The following PLPP4 variants were observed in gnomAD, a reference collection of about 807,000 sequenced individuals.
PLPP4 encodes the protein diacylglycerol pyrophosphate like 2.
Under a neutral mutation model 32.2 loss-of-function variants are expected in PLPP4, and 20 were observed. The ratio of observed to expected loss-of-function variants is 0.62; its 90% CI spans 0.44 to 0.90. The LOEUF (loss-of-function observed/expected upper bound fraction) is 0.90. PLPP4 is among the 40% of genes least tolerant of loss of function. The probability of loss-of-function intolerance (pLI) is 0.00; values close to 1 mark genes in which losing one functional copy is unlikely to be tolerated. For synonymous variants in PLPP4, 127 were observed against 133.0 expected (o/e 0.95, Z 0.31); for missense variants, 257 against 353.1 (o/e 0.73, Z 2.18).
chr10:120,510,577 C>T (rs1003929491), intron 2 of PLPP4, among the ~76,000 whole-genome samples: 2 of 152,114 alleles, frequency 1.3e-5, no homozygotes. Flanking sequence ...TGGCCTTTGT[C>T]GAAAGAGTGG....
rs1846128869 is a variant in PLPP4, at chr10:120,520,995, C to G, written c.345C>G (p.Arg115=). The change falls in exon 5 of 7, where the codon CGC becomes CGG. Residue 115 remains arginine, a synonymous_variant. Coordinates refer to ENST00000398250, the MANE Select transcript of PLPP4 (RefSeq NM_001030059.3). ...VGRPRPDFFY[R]CFPDGVMNSE... ...GACCTCGCCCCGATTTCTTTTACCG[C>G]TGCTTTCCAGATGGAGTGATGAACT... 6.2e-7 allele frequency: 1 copy of G among 1,614,040 alleles called. No individual in the cohort carries two copies. Among genetic ancestry groups the G allele is most frequent in the Non-Finnish European group, 8.5e-7 (1 of 1,179,984 alleles).
In PLPP4 at chr10:120,574,160, ACACACACACTCTCTCTCTCTCT is replaced by A. The variant is rs1333190637; in HGVS notation, c.446-969_446-948del. ...CACACACACACACACACACACACAC[ACACACACACTCTCTCTCTCTCT>A]CTCTCTCTCTCTCTCTCTCTCTCTC... On this transcript the variant is annotated intron_variant, in intron 5 of 6. Transcript: ENST00000398250. Among the ~76,000 whole-genome samples, 395 of 117,456 alleles carry A rather than the reference ACACACACACTCTCTCTCTCTCT, an allele frequency of 3.4e-3. 3 individuals carry two copies. The highest frequency in any genetic ancestry group is 4.8e-3 in the South Asian group (14 of 2,912). The allele number at this position is 117,456 out of a possible 152,430, so 77.1% of individuals were successfully genotyped here.
At chr10:120,482,881 C>T (rs891618722) in intron 1 of PLPP4, among the ~76,000 whole-genome samples, 1 of 152,180 alleles carries the variant, frequency 6.6e-6, no homozygotes, top group Non-Finnish European at 1.5e-5. Context: ...CACTGCACTC[C>T]AGCCTGGGTG....
intron 1 of PLPP4, among the ~76,000 whole-genome samples, chr10:120,481,929 A>AG (rs933597726): frequency 6.6e-6 from 1 of 152,132 alleles, no homozygotes; most frequent in African/African-American, 2.4e-5. Flanking sequence ...TGGTTCTATA[A>AG]GGGGGGGTTT....
chr10:120,500,800 C>T (rs1845210627), intron 1 of PLPP4, among the ~76,000 whole-genome samples: 1 of 152,126 alleles, frequency 6.6e-6, no homozygotes, highest in African/African-American at 2.4e-5. Context: ...GGCACTCAAC[C>T]AACCGAATCT....
chr10:120,476,862 T>G lies in PLPP4; in HGVS notation c.56+19501T>G, dbSNP rs548064944. On this transcript the variant is annotated intron_variant, in intron 1 of 6. Coordinates refer to ENST00000398250, the MANE Select transcript of PLPP4 (RefSeq NM_001030059.3). Reference sequence around the variant, plus strand: ...ACACCACAAATGTAAGCCCTTACATTGCCTTCATAGGTGCTTGGCTAAAGC... The same window carrying G: ...ACACCACAAATGTAAGCCCTTACATGGCCTTCATAGGTGCTTGGCTAAAGC... 2.0e-5 allele frequency among the ~76,000 whole-genome samples: 3 copies of G among 152,316 alleles called. No homozygotes were observed. The South Asian group carries it at 6.2e-4, about 32-fold the overall frequency.
intron 5 of PLPP4, among the ~76,000 whole-genome samples, chr10:120,563,777 GGCCTGGGCGA>G (rs1564842529): frequency 7.3e-5 from 8 of 110,092 alleles, no homozygotes; most frequent in Admixed American, 1.1e-4. Flanking sequence ...TCCGCAGTCC[GGCCTGGGCGA>G]CAGAGCGAGA....
At chr10:120,552,165 G>GGTGTGTGTGTGTGTGTGTGTGT (rs58426120) in intron 5 of PLPP4, among the ~76,000 whole-genome samples, 8 of 138,546 alleles carry the variant, frequency 5.8e-5, no homozygotes, top group Admixed American at 2.9e-4. Flanking sequence ...GTGGTGGTGG[G>GGTGTGTGTGTGTGTGTGTGTGT]GTGTGTGTGT....
chr10:120,511,995 G>A (rs1845747098), intron 2 of PLPP4, among the ~76,000 whole-genome samples: 3 of 152,086 alleles, frequency 2.0e-5, no homozygotes, highest in Admixed American at 2.0e-4. Flanking sequence ...TTGGGAGGCT[G>A]AGGCAGGAGA....
chr10:120,551,120 A>G (rs1167395152), intron 5 of PLPP4, among the ~76,000 whole-genome samples: 1 of 152,194 alleles, frequency 6.6e-6, no homozygotes, highest in East Asian at 1.9e-4. Context: ...AACTGTATGT[A>G]TGATCAGTAA....
Position 120,591,603 on chromosome 10 carries a change from C to G in PLPP4, c.*2101C>G, listed in dbSNP as rs1043169968. On this transcript the variant is annotated 3_prime_UTR_variant, in exon 7 of 7. Transcript: ENST00000398250. ...CAAAATAGAAATGTAGGAAAAAGATCCTTTGCTACTGTTAAAAAAAAAAAC... is the reference window on the plus strand; with the variant it reads ...CAAAATAGAAATGTAGGAAAAAGATGCTTTGCTACTGTTAAAAAAAAAAAC... Among the ~76,000 whole-genome samples the G allele has an allele frequency of 7.1e-6, 1 of 141,758 alleles. No homozygotes were observed. The highest frequency in any genetic ancestry group is 1.5e-5 in the Non-Finnish European group (1 of 64,728). 93.0% of individuals were successfully genotyped at this position (141,758 alleles called of 152,430 possible). A position where few individuals can be genotyped will look rare whatever the true frequency, so the allele number is the denominator to read the frequency against.
intron 5 of PLPP4, among the ~76,000 whole-genome samples, chr10:120,573,354 T>C (rs1418495062): frequency 6.6e-6 from 1 of 152,228 alleles, no homozygotes; most frequent in Non-Finnish European, 1.5e-5. Flanking sequence ...AGTTCTACTT[T>C]GGTATAATCT....
intron 2 of PLPP4, among the ~76,000 whole-genome samples, chr10:120,507,564 C>A (rs1317542081): frequency 6.6e-6 from 1 of 152,318 alleles, no homozygotes; most frequent in Non-Finnish European, 1.5e-5. Flanking sequence ...CGAGATTATA[C>A]AACTGTCAGT....
At chr10:120,463,187 T>C (rs763324675) in intron 1 of PLPP4, among the ~76,000 whole-genome samples, 7 of 152,004 alleles carry the variant, frequency 4.6e-5, no homozygotes, top group Middle Eastern at 3.4e-3. Flanking sequence ...CCACCACGCC[T>C]GGCTAATTTT....
chr10:120,568,893 CAAG>C (rs760307534), intron 5 of PLPP4, among the ~76,000 whole-genome samples: 1 of 152,146 alleles, frequency 6.6e-6, no homozygotes, highest in Non-Finnish European at 1.5e-5. Context: ...CATTTTTCAT[CAAG>C]GAGTGTGGGG....
Position 120,528,072 on chromosome 10 carries a change from T to TG in PLPP4, c.445+6977_445+6978insG, listed in dbSNP as rs1554888665. Among the ~76,000 whole-genome samples, 7 of 134,540 alleles carry TG rather than the reference T, an allele frequency of 5.2e-5. No individual in the cohort carries two copies. In the South Asian group the frequency reaches 1.6e-3, roughly 30 times the overall value. The allele number at this position is 134,540 out of a possible 152,430, so 88.3% of individuals were successfully genotyped here. Reference sequence around the variant, plus strand: ...AATTTGAAAAATACCACTCTCCGTTTTTTTTTTTTTTTTTTTTTTTGAGGC... The same window carrying TG: ...AATTTGAAAAATACCACTCTCCGTTTGTTTTTTTTTTTTTTTTTTTTGAGGC... On this transcript the variant is annotated intron_variant, in intron 5 of 6. Transcript: ENST00000398250.
chr10:120,590,088 T>C lies in PLPP4; in HGVS notation c.*586T>C, dbSNP rs1330470588. 6.6e-6 allele frequency among the ~76,000 whole-genome samples: 1 copy of C among 152,152 alleles called. No homozygotes were observed. Among genetic ancestry groups the C allele is most frequent in the Non-Finnish European group, 1.5e-5 (1 of 68,030 alleles). ...TCATTGAATCTGGAAGCAAATAAAA[T>C]TAATAACTTCATGCACAGACTTCCA... On this transcript the variant is annotated 3_prime_UTR_variant, in exon 7 of 7. Coordinates refer to ENST00000398250, the MANE Select transcript of PLPP4 (RefSeq NM_001030059.3).
chr10:120,568,506 A>G lies in PLPP4; in HGVS notation c.446-6625A>G, dbSNP rs113001367. Among the ~76,000 whole-genome samples, 1,254 of 152,356 alleles carry G rather than the reference A, an allele frequency of 8.2e-3. 24 individuals are homozygous for G. The highest frequency in any genetic ancestry group is 0.029 in the African/African-American group (1,204 of 41,580). On this transcript the variant is annotated intron_variant, in intron 5 of 6. Transcript: ENST00000398250. ...TCAGATGAGCACACTGGGCAAATCA[A>G]TGACTACTCCTTGTTGGTGGTTTCT...
At chr10:120,582,119 T>C (rs1849538742) in intron 6 of PLPP4, among the ~76,000 whole-genome samples, 1 of 152,210 alleles carries the variant, frequency 6.6e-6, no homozygotes, top group Non-Finnish European at 1.5e-5. Context: ...AGTAGGTACT[T>C]GTATCAGGGT....
Sources: allele counts gnomAD v4.1 joint callset (sites outside exome capture counted in the v4.1 genomes callset), GRCh38; gene constraint gnomAD v4.1.1; transcripts MANE v1.5; gene names NCBI Gene and HGNC (gene_info 2026-07-23, HGNC 2026-07-21).